CDH18: variants seen among roughly 807,000 people sequenced by gnomAD.
CDH18 encodes the protein cadherin-18.
A neutral mutation model predicts 67.9 loss-of-function variants in CDH18; 31 were observed. That is an observed-to-expected ratio of 0.46 (90% confidence interval 0.34 to 0.62). CDH18 has a LOEUF of 0.62. CDH18 is among the 20% of genes least tolerant of loss of function. CDH18 has a pLI of 0.01. For synonymous variants in CDH18, 362 were observed against 347.2 expected (o/e 1.04, Z -0.48); for missense variants, 890 against 975.5 (o/e 0.91, Z 1.17).
chr5:19,811,633 A>G (rs2149899536), intron 3 of CDH18, among the ~76,000 whole-genome samples: 1 of 152,314 alleles, frequency 6.6e-6, no homozygotes, highest in South Asian at 2.1e-4. Context: ...AAAGAAAAAA[A>G]TTATCTGAGC....
At chr5:20,448,977 G>A (rs1750220461) in intron 1 of CDH18, among the ~76,000 whole-genome samples, 1 of 150,756 alleles carries the variant, frequency 6.6e-6, no homozygotes, top group Non-Finnish European at 1.5e-5. Context: ...GCCAACTAGA[G>A]CTTCCTGTTG....
At chr5:20,539,755 CAA>C (rs148633063) in intron 1 of CDH18, among the ~76,000 whole-genome samples, 56,744 of 139,242 alleles carry the variant, frequency 0.41, 11,612 homozygotes, top group East Asian at 0.51. Flanking sequence ...CACACACACA[CAA>C]ACACACACAC....
intron 2 of CDH18, among the ~76,000 whole-genome samples, chr5:20,226,773 T>C (rs1741664393): frequency 6.6e-6 from 1 of 152,052 alleles, no homozygotes; most frequent in African/African-American, 2.4e-5. Flanking sequence ...CATAAAAATA[T>C]ACTCAAGCCA....
intron 7 of CDH18, among the ~76,000 whole-genome samples, chr5:19,590,484 GGATAGATAGATA>G (rs145201697): frequency 1.3e-5 from 2 of 149,702 alleles, no homozygotes; most frequent in Non-Finnish European, 3.0e-5. Context: ...CTAGACAGAT[GGATAGATAGATA>G]GATAGATAGA....
intron 2 of CDH18, among the ~76,000 whole-genome samples, chr5:19,975,755 T>C (rs1181878064): frequency 1.3e-5 from 2 of 152,182 alleles, no homozygotes; most frequent in Admixed American, 1.3e-4. Flanking sequence ...ATGTTTGGCA[T>C]TTCTTTTAGT....
chr5:20,343,182 G>T (rs1164680935), intron 1 of CDH18, among the ~76,000 whole-genome samples: 1 of 152,174 alleles, frequency 6.6e-6, no homozygotes, highest in Non-Finnish European at 1.5e-5. Flanking sequence ...GATAGCAGAG[G>T]CAAAGTGGCA....
intron 7 of CDH18, among the ~76,000 whole-genome samples, chr5:19,589,274 C>A: frequency 6.6e-6 from 1 of 152,086 alleles, no homozygotes; most frequent in East Asian, 1.9e-4. Context: ...TGATGACTAG[C>A]TACCTCCTGA....
chr5:20,212,559 A>G (rs1013641890), intron 2 of CDH18, among the ~76,000 whole-genome samples: 1 of 152,156 alleles, frequency 6.6e-6, no homozygotes, highest in African/African-American at 2.4e-5. Context: ...AGGGAAGCCC[A>G]TCAGACTAAG....
chr5:19,905,314 T>C (rs1790414557), intron 2 of CDH18, among the ~76,000 whole-genome samples: 1 of 152,096 alleles, frequency 6.6e-6, no homozygotes, highest in Admixed American at 6.6e-5. Context: ...GCAGGTTTTA[T>C]GGAGAAATAT....
At chr5:19,482,736 ACT>A (rs1219806213) in intron 12 of CDH18, among the ~76,000 whole-genome samples, 1 of 151,962 alleles carries the variant, frequency 6.6e-6, no homozygotes, top group African/African-American at 2.4e-5. Context: ...ACGTAGTTAC[ACT>A]CTTTTTTCAC....
intron 1 of CDH18, among the ~76,000 whole-genome samples, chr5:20,556,836 T>G (rs1419425167): frequency 6.6e-6 from 1 of 152,172 alleles, no homozygotes; most frequent in African/African-American, 2.4e-5. Flanking sequence ...TAGCCAGAGA[T>G]TTTGTTCTCT....
intron 1 of CDH18, among the ~76,000 whole-genome samples, chr5:20,511,117 GAA>G (rs751807563): frequency 6.7e-6 from 1 of 148,938 alleles, no homozygotes; most frequent in Non-Finnish European, 1.5e-5. Context: ...CAACACCCAG[GAA>G]AAAAAAAGAT....
intron 3 of CDH18, among the ~76,000 whole-genome samples, chr5:19,827,285 G>A (rs547595895): frequency 1.2e-4 from 17 of 144,616 alleles, no homozygotes; most frequent in Non-Finnish European, 1.5e-4. Flanking sequence ...AATAGTAGGA[G>A]ACTTCAACAC....
chr5:19,795,332 T>C (rs1267595770), intron 3 of CDH18, among the ~76,000 whole-genome samples: 1 of 152,160 alleles, frequency 6.6e-6, no homozygotes, highest in Non-Finnish European at 1.5e-5. Flanking sequence ...GTCCAAGGAC[T>C]GTCCAAGGAC....
intron 1 of CDH18, among the ~76,000 whole-genome samples, chr5:20,504,391 G>C (rs1754529183): frequency 6.6e-6 from 1 of 152,098 alleles, no homozygotes; most frequent in Non-Finnish European, 1.5e-5. Context: ...GTGTGTGTTT[G>C]TGTATATGCA....
rs1781934077 is a variant in CDH18, at chr5:19,838,651, C to A, written c.228+108G>T. On this transcript the variant is annotated intron_variant, in intron 3 of 12. Coordinates refer to ENST00000382275, the MANE Select transcript of CDH18 (RefSeq NM_004934.5). ...TTCTATAGCGTAATTCACTCTACAA[C>A]ATAATTTGCTTCATTTGTCTATCTC... 4.4e-6 allele frequency: 3 copies of A among 689,038 alleles called. No homozygotes were observed. The Admixed American group carries it at 7.2e-5, about 17-fold the overall frequency. The allele number at this position is 689,038 out of a possible 1,614,324, so 42.7% of individuals were successfully genotyped here.
intron 1 of CDH18, among the ~76,000 whole-genome samples, chr5:20,535,766 A>G (rs1756680740): frequency 2.0e-5 from 3 of 152,116 alleles, no homozygotes; most frequent in Admixed American, 1.3e-4. Context: ...TCTCACTCAC[A>G]TGCAGTAGAG....
intron 2 of CDH18, among the ~76,000 whole-genome samples, chr5:19,888,309 T>G (rs1788442869): frequency 6.6e-6 from 1 of 152,154 alleles, no homozygotes; most frequent in Admixed American, 6.6e-5. Context: ...TTTGAAAGAA[T>G]TCACATCTTC....
chr5:19,744,159 G>C (rs1381337072), intron 4 of CDH18, among the ~76,000 whole-genome samples: 4 of 151,688 alleles, frequency 2.6e-5, no homozygotes, highest in African/African-American at 9.7e-5. Flanking sequence ...CCAATATTCA[G>C]CTTAAGGTTT....
Sources: allele counts gnomAD v4.1 joint callset (sites outside exome capture counted in the v4.1 genomes callset), GRCh38; gene constraint gnomAD v4.1.1; transcripts MANE v1.5; gene names NCBI Gene and HGNC (gene_info 2026-07-23, HGNC 2026-07-21).